GDPD5: variants seen among roughly 807,000 people sequenced by gnomAD.
The protein encoded by GDPD5 is glycerophosphodiester phosphodiesterase 2.
A neutral mutation model predicts 75.1 loss-of-function variants in GDPD5; 48 were observed. The ratio of observed to expected loss-of-function variants is 0.64; its 90% CI spans 0.51 to 0.81. The LOEUF (loss-of-function observed/expected upper bound fraction) is 0.81, where lower values mean the gene tolerates loss of function less well. Among genes scored for constraint, GDPD5 ranks in the 40% least tolerant of loss-of-function variants. The pLI, the probability that GDPD5 is intolerant of heterozygous loss-of-function variation, is 0.00. For missense variants in GDPD5, 706 were observed against 822.6 expected (o/e 0.86, Z 1.73); for synonymous variants, 336 against 339.0 (o/e 0.99, Z 0.10).
intron 1 of GDPD5, among the ~76,000 whole-genome samples, chr11:75,498,508 CG>C (rs1411353111): frequency 7.2e-6 from 1 of 138,114 alleles, no homozygotes; most frequent in African/African-American, 2.7e-5. Flanking sequence ...ACCTCCTACT[CG>C]TCACTGATGC....
chr11:75,484,203 C>G (rs1436829344), intron 2 of GDPD5, among the ~76,000 whole-genome samples: 1 of 152,048 alleles, frequency 6.6e-6, no homozygotes, highest in African/African-American at 2.4e-5. Context: ...ATCCAACCCT[C>G]CCACAAAAAA....
rs1264372916 is a variant in GDPD5, at chr11:75,435,427, G to A, written c.*80C>T. 4 of 1,356,172 alleles carry A rather than the reference G, an allele frequency of 2.9e-6. No individual in the cohort carries two copies. The highest frequency in any genetic ancestry group is 2.4e-5 in the East Asian group (1 of 41,640). 84.0% of individuals were successfully genotyped at this position (1,356,172 alleles called of 1,614,324 possible). A position where few individuals can be genotyped will look rare whatever the true frequency, so the allele number is the denominator to read the frequency against. ...GTGGAGCCCGCTCCCAGAGCACTCC[G>A]AGTTCAGACACACTTCCACCAGCTC... On this transcript the variant is annotated 3_prime_UTR_variant, in exon 17 of 17. Transcript: ENST00000336898.
intron 2 of GDPD5, among the ~76,000 whole-genome samples, chr11:75,484,096 G>A (rs569470039): frequency 6.6e-6 from 1 of 152,264 alleles, no homozygotes; most frequent in Non-Finnish European, 1.5e-5. Context: ...GCTGAGGCAG[G>A]AGAATCACTT....
At chr11:75,496,146 C>A (rs1045360384) in intron 1 of GDPD5, among the ~76,000 whole-genome samples, 1 of 152,214 alleles carries the variant, frequency 6.6e-6, no homozygotes, top group Non-Finnish European at 1.5e-5. Flanking sequence ...GTTACACTAT[C>A]CCCCTGGAAA....
At chr11:75,515,297 C>T (rs1003529300) in intron 1 of GDPD5, among the ~76,000 whole-genome samples, 8 of 152,230 alleles carry the variant, frequency 5.3e-5, no homozygotes, top group Admixed American at 1.3e-4. Flanking sequence ...GGTTTCCATG[C>T]AAAGTGTCAT....
chr11:75,503,764 G>A (rs1026514170), intron 1 of GDPD5, among the ~76,000 whole-genome samples: 2 of 152,258 alleles, frequency 1.3e-5, no homozygotes, highest in Non-Finnish European at 2.9e-5. Context: ...CAGCTCCGCT[G>A]TCCACAGCCC....
intron 1 of GDPD5, among the ~76,000 whole-genome samples, chr11:75,503,720 A>C (rs1257269177): frequency 6.6e-6 from 1 of 152,242 alleles, no homozygotes; most frequent in Admixed American, 6.5e-5. Flanking sequence ...GCACCATGCA[A>C]ATGAGTCTGA....
intron 1 of GDPD5, among the ~76,000 whole-genome samples, chr11:75,503,958 G>A (rs754475060): frequency 1.2e-4 from 18 of 152,192 alleles, no homozygotes; most frequent in Middle Eastern, 6.3e-3. Context: ...CAAGGCTTGC[G>A]GATCTCAGGG....
intron 15 of GDPD5, chr11:75,437,450 T>C (rs934697630): frequency 5.2e-6 from 1 of 191,040 alleles, no homozygotes; most frequent in East Asian, 1.4e-4. Context: ...CCAGCTGATG[T>C]CTCTTATAGC....
intron 1 of GDPD5, among the ~76,000 whole-genome samples, chr11:75,510,724 C>T (rs1203925751): frequency 6.7e-6 from 1 of 148,210 alleles, no homozygotes. Flanking sequence ...GACTGATGGA[C>T]CCCAGGAGGA....
At chr11:75,520,004 C>G (rs72989930) in intron 1 of GDPD5, among the ~76,000 whole-genome samples, 1 of 152,202 alleles carries the variant, frequency 6.6e-6, no homozygotes, top group African/African-American at 2.4e-5. Flanking sequence ...GAAGAAAACC[C>G]AAGTCCCCAG....
chr11:75,456,311 G>A (rs1949284787), intron 6 of GDPD5, among the ~76,000 whole-genome samples: 1 of 152,134 alleles, frequency 6.6e-6, no homozygotes, highest in South Asian at 2.1e-4. Flanking sequence ...GTTGGGGAAT[G>A]CCATCGCCAG....
rs1177758120 is a variant in GDPD5 at position 75,509,765 on chromosome 11, C to T, written c.-145+15445G>A. Reference sequence around the variant, plus strand: ...CACGATCTCAGCTCACTGCAATCTCCGCCTCCTGGGTTCCAGCGATTCTCC... The same window carrying T: ...CACGATCTCAGCTCACTGCAATCTCTGCCTCCTGGGTTCCAGCGATTCTCC... On this transcript the variant is annotated intron_variant, in intron 1 of 16. Transcript: ENST00000336898. Among the ~76,000 whole-genome samples, 5 of 152,234 alleles carry T rather than the reference C, an allele frequency of 3.3e-5. No individual in the cohort carries two copies. In the East Asian group the frequency reaches 5.8e-4, roughly 18 times the overall value.
intron 1 of GDPD5, among the ~76,000 whole-genome samples, chr11:75,522,110 T>C (rs897389408): frequency 6.6e-6 from 1 of 150,906 alleles, no homozygotes; most frequent in African/African-American, 2.4e-5. Context: ...TACCACGCTA[T>C]CCCACCTGCC....
intron 9 of GDPD5, among the ~76,000 whole-genome samples, chr11:75,446,521 C>T (rs1948991322): frequency 6.6e-6 from 1 of 152,180 alleles, no homozygotes; most frequent in Non-Finnish European, 1.5e-5. Flanking sequence ...ATTTATAAAA[C>T]AGCAACTCAA....
At chr11:75,442,838 C>T in intron 11 of GDPD5, 1 of 602,110 alleles carries the variant, frequency 1.7e-6, no homozygotes. Context: ...CCTTCTAGAG[C>T]ATTTCAGATC....
At chr11:75,484,955 G>A (rs1368573357) in intron 2 of GDPD5, among the ~76,000 whole-genome samples, 1 of 152,102 alleles carries the variant, frequency 6.6e-6, no homozygotes, top group Non-Finnish European at 1.5e-5. Context: ...GGGCCTGAAC[G>A]AATGGGCAAA....
intron 6 of GDPD5, 82 bp downstream of exon 6, chr11:75,456,675 C>T (rs1344409629): frequency 1.5e-6 from 2 of 1,315,464 alleles, no homozygotes; most frequent in Admixed American, 1.7e-5. Context: ...AGGGGAGGGA[C>T]ATGGTGGCCA....
chr11:75,457,635 G>A (rs547382648), intron 5 of GDPD5, 58 bp downstream of exon 5: 1 of 1,437,260 alleles, frequency 7.0e-7, no homozygotes. Flanking sequence ...CCAGCACAGG[G>A]CCAGTATCCC....
Sources: allele counts gnomAD v4.1 joint callset (sites outside exome capture counted in the v4.1 genomes callset), GRCh38; gene constraint gnomAD v4.1.1; transcripts MANE v1.5; gene names NCBI Gene and HGNC (gene_info 2026-07-23, HGNC 2026-07-21).